Variants in OCA2 observed in about 807,000 individuals in gnomAD.
OCA2 encodes OCA2 melanosomal transmembrane protein.
Under a neutral mutation model 100.2 loss-of-function variants are expected in OCA2, and 77 were observed. That is an observed-to-expected ratio of 0.77 (90% CI 0.64 to 0.93). The LOEUF is 0.93. Ranked by LOEUF, OCA2 falls within the 40% of genes least tolerant of loss-of-function variation. OCA2 has a pLI of 0.00. For synonymous variants in OCA2, 432 were observed against 439.2 expected, an observed-to-expected ratio of 0.98 and a Z score of 0.21; for missense variants, 1,062 against 1,089.1, an observed-to-expected ratio of 0.98 and a Z score of 0.35.
intron 9 of OCA2, among the ~76,000 whole-genome samples, chr15:28,012,051 G>A (rs1285846107): frequency 6.6e-6 from 1 of 150,500 alleles, no homozygotes; most frequent in Non-Finnish European, 1.5e-5. Flanking sequence ...CCAACAGTCT[G>A]TATATCTATA....
intron 19 of OCA2, among the ~76,000 whole-genome samples, chr15:27,913,877 A>AAG (rs1567098027): frequency 2.6e-4 from 15 of 57,696 alleles, no homozygotes; most frequent in African/African-American, 1.3e-3. Flanking sequence ...GAAAGAAAGA[A>AAG]AGAAAGAAAG....
At chr15:27,776,201 A>G (rs2032201648) in intron 23 of OCA2, among the ~76,000 whole-genome samples, 2 of 152,202 alleles carry the variant, frequency 1.3e-5, no homozygotes, top group African/African-American at 4.8e-5. Flanking sequence ...GTTCCGGCCC[A>G]TGGTGCTGTG....
At chr15:28,082,061 C>G (rs545553502) in intron 1 of OCA2, among the ~76,000 whole-genome samples, 166 bp from the exon 2 acceptor site, 1 of 152,332 alleles carries the variant, frequency 6.6e-6, no homozygotes, top group South Asian at 2.1e-4. Flanking sequence ...GTGAAGCCAG[C>G]TGGACTTCCT....
the OCA2 span, among the ~76,000 whole-genome samples, chr15:27,737,631 C>A: frequency 6.6e-6 from 1 of 152,170 alleles, no homozygotes; most frequent in African/African-American, 2.4e-5. Context: ...AAAAGGCAAA[C>A]AGTAGAATTT....
chr15:27,806,378 A>C (rs1464728396), intron 23 of OCA2, among the ~76,000 whole-genome samples: 1 of 152,198 alleles, frequency 6.6e-6, no homozygotes, highest in Non-Finnish European at 1.5e-5. Flanking sequence ...CAAGATGAAA[A>C]ACTGGCCTTC....
intron 23 of OCA2, among the ~76,000 whole-genome samples, chr15:27,768,123 G>A (rs2031421099): frequency 6.6e-6 from 1 of 152,208 alleles, no homozygotes; most frequent in Non-Finnish European, 1.5e-5. Context: ...GTCTTTCTAG[G>A]TGGATGCCTG....
At chr15:27,955,021 A>G (rs1428843131) in intron 17 of OCA2, 137 bp downstream of exon 17, 2 of 767,190 alleles carry the variant, frequency 2.6e-6, no homozygotes, top group Non-Finnish European at 4.7e-6. Context: ...TCACACACAT[A>G]AACCTCAACG....
At chr15:28,063,837 CA>C (rs1218026850) in intron 2 of OCA2, among the ~76,000 whole-genome samples, 1 of 152,122 alleles carries the variant, frequency 6.6e-6, no homozygotes, top group African/African-American at 2.4e-5. Context: ...CATAGAAAAA[CA>C]TACATTTATG....
At chr15:27,956,269 A>C (rs1713231165) in intron 16 of OCA2, among the ~76,000 whole-genome samples, 1 of 152,150 alleles carries the variant, frequency 6.6e-6, no homozygotes, top group African/African-American at 2.4e-5. Context: ...GAATCACTTG[A>C]ACCCAGGAGG....
chr15:27,733,603 C>T, the OCA2 span, among the ~76,000 whole-genome samples: 1 of 152,194 alleles, frequency 6.6e-6, no homozygotes, highest in Non-Finnish European at 1.5e-5. Context: ...GTGTGTGATT[C>T]TCTGTGTCTG....
At chr15:27,824,602 C>CTCTCTCTATATATATATATATATATA in intron 23 of OCA2, among the ~76,000 whole-genome samples, 2 of 47,594 alleles carry the variant, frequency 4.2e-5, no homozygotes, top group African/African-American at 1.6e-4. Context: ...CTCTCTCTCT[C>CTCTCTCTATATATATATATATATATA]TATATATATA....
At chr15:27,799,581 C>T (rs936557621) in intron 23 of OCA2, among the ~76,000 whole-genome samples, 5 of 151,924 alleles carry the variant, frequency 3.3e-5, no homozygotes, top group Non-Finnish European at 7.4e-5. Context: ...CCCATCTCTA[C>T]TAAAAATACA....
chr15:27,887,077 C>T (rs944727245), intron 19 of OCA2, among the ~76,000 whole-genome samples: 1 of 152,158 alleles, frequency 6.6e-6, no homozygotes, highest in Non-Finnish European at 1.5e-5. Flanking sequence ...TTTCCCTGCA[C>T]AAGATCTCTC....
At chr15:27,738,499 G>T in the OCA2 span, among the ~76,000 whole-genome samples, 3 of 152,174 alleles carry the variant, frequency 2.0e-5, no homozygotes, top group South Asian at 6.2e-4. Flanking sequence ...ATTTTGGGAG[G>T]CCGAGGCGGG....
intron 11 of OCA2, among the ~76,000 whole-genome samples, chr15:27,988,726 T>C (rs2041444293): frequency 6.6e-6 from 1 of 152,212 alleles, no homozygotes; most frequent in South Asian, 2.1e-4. Flanking sequence ...GGATATCTGG[T>C]ACACTTCCTC....
rs533478642 is a variant in OCA2, at chr15:27,990,644, C to T, written c.1048G>A (p.Val350Met). The T allele has an allele frequency of 9.8e-5, 158 of 1,613,742 alleles. 2 individuals are homozygous for T. The South Asian group carries it at 1.3e-3, about 13-fold the overall frequency. Residue 350 changes from valine (V) to methionine (M), a missense_variant, in exon 10 of 24, where the codon GTG becomes ATG. Physicochemically the swap from Val to Met is conservative, Grantham distance 21 (BLOSUM62 1). Transcript: ENST00000354638. ...AGCATGGCCGCCAGAGTTCTGTGCA[C>T]GATCTGGAAAGAAGCACAGGAAATT... ...GVYALIIFEIVHRTLAAMLGS... is the reference protein window; with the variant it reads ...GVYALIIFEIMHRTLAAMLGS...
At chr15:27,774,029 T>G (rs565955009) in intron 23 of OCA2, among the ~76,000 whole-genome samples, 3 of 152,232 alleles carry the variant, frequency 2.0e-5, no homozygotes, top group Non-Finnish European at 2.9e-5. Flanking sequence ...GTTTCTATGG[T>G]TTTTTTTCTA....
chr15:28,084,216 T>C (rs1244768605), intron 1 of OCA2, among the ~76,000 whole-genome samples: 2 of 152,240 alleles, frequency 1.3e-5, no homozygotes, highest in Non-Finnish European at 2.9e-5. Context: ...CTGTTGGTGC[T>C]GTGATCTGAG....
chr15:28,006,070 T>C (rs1319287238), intron 9 of OCA2, among the ~76,000 whole-genome samples: 1 of 152,162 alleles, frequency 6.6e-6, no homozygotes, highest in African/African-American at 2.4e-5. Context: ...AACTATAAAA[T>C]GGAGGTGGTG....
Sources: gnomAD v4.1 joint callset for allele counts (sites outside exome capture counted in the v4.1 genomes callset) on GRCh38, gnomAD v4.1.1 for gene constraint, MANE v1.5 for transcripts, NCBI Gene and HGNC (gene_info 2026-07-23, HGNC 2026-07-21) for gene names.